PIWIL1: variants seen among roughly 807,000 people sequenced by gnomAD.
PIWIL1 encodes the protein piwi-like protein 1.
A neutral mutation model predicts 114.4 loss-of-function variants in PIWIL1; 73 were observed. The observed-to-expected ratio is 0.64, with a 90% confidence interval of 0.53 to 0.78. The LOEUF is 0.78. Ranked by LOEUF, PIWIL1 falls within the 30% of genes least tolerant of loss-of-function variation. The probability of loss-of-function intolerance (pLI) is 0.00; values close to 1 mark genes in which losing one functional copy is unlikely to be tolerated. For missense variants in PIWIL1, 723 were observed against 1,063.1 expected (o/e 0.68, Z 4.45); for synonymous variants, 375 against 369.0 (o/e 1.02, Z -0.19).
At chr12:130,407,926 G>A in the PIWIL1 span, 284 of 1,079,794 alleles carry the variant, frequency 2.6e-4, 1 homozygote, top group South Asian at 1.7e-3. Flanking sequence ...CAATACAGCC[G>A]AGACCTGGCA....
the PIWIL1 span, among the ~76,000 whole-genome samples, chr12:130,421,914 G>A: frequency 6.6e-6 from 1 of 152,226 alleles, no homozygotes; most frequent in African/African-American, 2.4e-5. Context: ...GGAAGAGAAT[G>A]GAAACGGAAT....
At chr12:130,385,012 G>A in the PIWIL1 span, among the ~76,000 whole-genome samples, 8 of 151,916 alleles carry the variant, frequency 5.3e-5, no homozygotes, top group African/African-American at 1.7e-4. Flanking sequence ...TCTCTTTTTC[G>A]GTAAAATTGC....
rs115296602 is a variant in PIWIL1 at position 130,357,348 on chromosome 12, A to G, written c.1593-133A>G. 250 of 708,840 alleles carry G rather than the reference A, an allele frequency of 3.5e-4. 1 individual carries two copies. The African/African-American group carries it at 4.3e-3, about 12-fold the overall frequency. The allele number at this position is 708,840 out of a possible 1,614,324, so 43.9% of individuals were successfully genotyped here. A position where few individuals can be genotyped will look rare whatever the true frequency, so the allele number is the denominator to read the frequency against. On this transcript the variant is annotated intron_variant, in intron 13 of 20. Coordinates refer to ENST00000245255, the MANE Select transcript of PIWIL1 (RefSeq NM_004764.5). Reference sequence around the variant, plus strand: ...GTTTGTATTAGAAACAGCCCTTGGCATGAATGGCTAGTCTCGGTGTTTGAT... The same window carrying G: ...GTTTGTATTAGAAACAGCCCTTGGCGTGAATGGCTAGTCTCGGTGTTTGAT...
intron 16 of PIWIL1, among the ~76,000 whole-genome samples, chr12:130,362,212 C>T (rs1420580058): frequency 1.3e-5 from 2 of 152,170 alleles, no homozygotes; most frequent in South Asian, 2.1e-4. Context: ...TTTTTCTGCT[C>T]TTCTCCCTCC....
chr12:130,344,355 A>G (rs941762667), intron 3 of PIWIL1, among the ~76,000 whole-genome samples: 9 of 152,150 alleles, frequency 5.9e-5, no homozygotes, highest in Non-Finnish European at 1.3e-4. Context: ...ACAAGTATGA[A>G]CAGTTACATG....
rs2072760161 is a variant in PIWIL1, at chr12:130,338,115, G to A, written c.-44G>A. ...TGTTGGCCTCGGGCTGAGGTGCAAGGACCAGGACTAGGGCGAGGGCAGCGG... is the reference window on the plus strand; with the variant it reads ...TGTTGGCCTCGGGCTGAGGTGCAAGAACCAGGACTAGGGCGAGGGCAGCGG... On this transcript the variant is annotated 5_prime_UTR_variant, in exon 1 of 21. Coordinates refer to ENST00000245255, the MANE Select transcript of PIWIL1 (RefSeq NM_004764.5). The A allele has an allele frequency of 3.7e-6, 1 of 267,446 alleles. No individual in the cohort carries two copies. The highest frequency in any genetic ancestry group is 5.6e-5 in the Admixed American group (1 of 17,792). The allele number at this position is 267,446 out of a possible 1,614,324, so 16.6% of individuals were successfully genotyped here. A position where few individuals can be genotyped will look rare whatever the true frequency, so the allele number is the denominator to read the frequency against.
chr12:130,368,044 C>T (rs1002800876), intron 19 of PIWIL1, among the ~76,000 whole-genome samples: 4 of 152,148 alleles, frequency 2.6e-5, no homozygotes, highest in Admixed American at 2.0e-4. Context: ...GTGATCCGCT[C>T]GCGTCAGCCT....
At chr12:130,393,713 C>A in the PIWIL1 span, among the ~76,000 whole-genome samples, 21 of 152,128 alleles carry the variant, frequency 1.4e-4, no homozygotes, top group Admixed American at 1.4e-3. Flanking sequence ...TTTCTTAGTT[C>A]TTAAATCCTT....
At chr12:130,391,676 G>C in the PIWIL1 span, among the ~76,000 whole-genome samples, 1 of 152,214 alleles carries the variant, frequency 6.6e-6, no homozygotes, top group South Asian at 2.1e-4. Flanking sequence ...TGGTAGGGAG[G>C]CTGGAGGCAG....
chr12:130,415,289 A>G, the PIWIL1 span, among the ~76,000 whole-genome samples: 1 of 152,236 alleles, frequency 6.6e-6, no homozygotes, highest in Non-Finnish European at 1.5e-5. Flanking sequence ...AAACAGAACT[A>G]AAACAAAAAC....
the PIWIL1 span, among the ~76,000 whole-genome samples, chr12:130,394,455 G>A: frequency 1.3e-5 from 2 of 152,154 alleles, no homozygotes; most frequent in African/African-American, 2.4e-5. Context: ...AATTAAAAAT[G>A]TTTAGAAGTA....
In PIWIL1 at chr12:130,346,938, C is replaced by A; in HGVS notation, c.532-3C>A. 1 of 1,610,794 alleles carries A rather than the reference C, an allele frequency of 6.2e-7. No homozygotes were observed. The highest frequency in any genetic ancestry group is 1.7e-4 in the Middle Eastern group (1 of 6,048). On this transcript the variant is annotated splice_region_variant and splice_polypyrimidine_tract_variant and intron_variant, in intron 5 of 20. Transcript: ENST00000245255. ...TTTGGGTTTTCCACCTCTCTGGCTT[C>A]AGGTTACTGAAGTTTTTAGTAAGAC...
At chr12:130,381,375 C>T in the PIWIL1 span, among the ~76,000 whole-genome samples, 1 of 152,210 alleles carries the variant, frequency 6.6e-6, no homozygotes. Context: ...TTTTCACTGT[C>T]TCCATAGTTT....
chr12:130,350,927 G>A (rs1221814214), intron 9 of PIWIL1: 4 of 152,144 alleles, frequency 2.6e-5, no homozygotes, highest in South Asian at 2.1e-4. Flanking sequence ...AAGCCACTAC[G>A]GAGGGAGGGA....
downstream of PIWIL1, among the ~76,000 whole-genome samples, chr12:130,377,147 G>A (rs998367694): frequency 5.9e-5 from 9 of 152,258 alleles, 1 homozygote; most frequent in South Asian, 1.4e-3. Context: ...CTCATCTCCC[G>A]CTAGATGCTG....
chr12:130,392,860 G>C, the PIWIL1 span, among the ~76,000 whole-genome samples: 1 of 123,910 alleles, frequency 8.1e-6, no homozygotes, highest in Non-Finnish European at 1.7e-5. Context: ...CATCACGTGT[G>C]TCCGTCAGTT....
At chr12:130,358,205 G>A (rs763899379) in intron 14 of PIWIL1, among the ~76,000 whole-genome samples, 11 of 152,318 alleles carry the variant, frequency 7.2e-5, no homozygotes, top group South Asian at 4.1e-4. Flanking sequence ...GCTACCTAGC[G>A]TGGGTGTGTG....
chr12:130,362,352 C>T (rs2073537838), intron 16 of PIWIL1, among the ~76,000 whole-genome samples: 2 of 152,176 alleles, frequency 1.3e-5, no homozygotes, highest in African/African-American at 2.4e-5. Flanking sequence ...CATTAGTTTG[C>T]TAGAGGTAAC....
chr12:130,399,532 C>T, the PIWIL1 span: 35 of 812,046 alleles, frequency 4.3e-5, no homozygotes, highest in Non-Finnish European at 5.8e-5. Flanking sequence ...TTAGGTACAA[C>T]TCCCATGGCT....
Sources: allele counts gnomAD v4.1 joint callset (sites outside exome capture counted in the v4.1 genomes callset), GRCh38; gene constraint gnomAD v4.1.1; transcripts MANE v1.5; gene names NCBI Gene and HGNC (gene_info 2026-07-23, HGNC 2026-07-21).